Variants in MSI2 observed in about 807,000 individuals in gnomAD.
MSI2 encodes RNA-binding protein Musashi homolog 2.
A neutral mutation model predicts 45.6 loss-of-function variants in MSI2; 17 were observed. The ratio of observed to expected loss-of-function variants is 0.37; its 90% CI spans 0.26 to 0.56. The LOEUF (loss-of-function observed/expected upper bound fraction) is 0.56. MSI2 is among the 20% of genes least tolerant of loss of function. The pLI, the probability that MSI2 is intolerant of heterozygous loss-of-function variation, is 0.77. For synonymous variants in MSI2, 156 were observed against 158.2 expected, an observed-to-expected ratio of 0.99 and a Z score of 0.11; for missense variants, 293 against 444.2, an observed-to-expected ratio of 0.66 and a Z score of 3.06.
intron 7 of MSI2, among the ~76,000 whole-genome samples, chr17:57,591,920 C>T (rs1390442173): frequency 4.6e-5 from 7 of 151,978 alleles, no homozygotes; most frequent in Non-Finnish European, 7.4e-5. Context: ...TTGGCTCAAT[C>T]CCAGCACTTT....
chr17:57,628,279 G>C (rs1908998851), intron 10 of MSI2: 1 of 152,206 alleles, frequency 6.6e-6, no homozygotes, highest in Non-Finnish European at 1.5e-5. Context: ...GGAGTGTCAG[G>C]GTCTGAGATG....
chr17:57,376,402 T>G (rs1207953829), intron 5 of MSI2, among the ~76,000 whole-genome samples: 1 of 152,208 alleles, frequency 6.6e-6, no homozygotes. Context: ...TCTCCTTCAG[T>G]GCAAGCTGGT....
intron 6 of MSI2, among the ~76,000 whole-genome samples, chr17:57,405,018 CA>C (rs2084057239): frequency 1.3e-5 from 2 of 152,026 alleles, no homozygotes; most frequent in African/African-American, 2.4e-5. Context: ...ATGAGCTACC[CA>C]GGGGTGAAGA....
At chr17:57,551,861 G>A (rs1204350089) in intron 7 of MSI2, among the ~76,000 whole-genome samples, 1 of 152,150 alleles carries the variant, frequency 6.6e-6, no homozygotes, top group South Asian at 2.1e-4. Context: ...TTTATGTGCT[G>A]ACCGCTCCTG....
chr17:57,595,315 C>A (rs558268698), intron 7 of MSI2, among the ~76,000 whole-genome samples: 1 of 123,306 alleles, frequency 8.1e-6, no homozygotes, highest in African/African-American at 3.4e-5. Context: ...TTTTTGTCTT[C>A]CTGCTTGGTG....
intron 5 of MSI2, among the ~76,000 whole-genome samples, chr17:57,383,351 T>C (rs769300001): frequency 6.6e-6 from 1 of 152,234 alleles, no homozygotes; most frequent in Non-Finnish European, 1.5e-5. Flanking sequence ...TTTACAATGA[T>C]AATAGATATA....
intron 7 of MSI2, among the ~76,000 whole-genome samples, chr17:57,586,097 C>CA (rs556800472): frequency 7.7e-4 from 118 of 152,328 alleles, no homozygotes; most frequent in Non-Finnish European, 1.2e-3. Flanking sequence ...ACACCACGCA[C>CA]AAAAAATAGG....
rs3059122 is a variant in MSI2, at chr17:57,581,004, CT to C, written c.455-15838del. On this transcript the variant is annotated intron_variant, in intron 7 of 13. Coordinates refer to ENST00000284073, the MANE Select transcript of MSI2 (RefSeq NM_138962.4). Reference sequence around the variant, plus strand: ...CATGCCAGCCCCATGAGGTCAGCATCTTTTTTTTTTTTTTTTTTTTTTTTTT... The same window carrying C: ...CATGCCAGCCCCATGAGGTCAGCATCTTTTTTTTTTTTTTTTTTTTTTTTT... Among the ~76,000 whole-genome samples, 359 of 66,462 alleles carry C rather than the reference CT, an allele frequency of 5.4e-3. 1 individual carries two copies. The highest frequency in any genetic ancestry group is 0.019 in the African/African-American group (301 of 16,218). The allele number at this position is 66,462 out of a possible 152,430, so 43.6% of individuals were successfully genotyped here. A position where few individuals can be genotyped will look rare whatever the true frequency, so the allele number is the denominator to read the frequency against.
chr17:57,300,629 A>G (rs192004421), intron 5 of MSI2, among the ~76,000 whole-genome samples: 121 of 152,294 alleles, frequency 7.9e-4, no homozygotes, highest in Non-Finnish European at 3.1e-4. Context: ...CATGCTGCTG[A>G]TAAAGACATA....
chr17:57,500,248 G>C (rs1311252020), intron 6 of MSI2, among the ~76,000 whole-genome samples: 1 of 152,072 alleles, frequency 6.6e-6, no homozygotes, highest in Non-Finnish European at 1.5e-5. Context: ...GATCTTAAGT[G>C]GATATTAGAA....
At chr17:57,382,826 A>G (rs987171886) in intron 5 of MSI2, among the ~76,000 whole-genome samples, 2 of 152,370 alleles carry the variant, frequency 1.3e-5, no homozygotes, top group Admixed American at 1.3e-4. Context: ...AAATTTTGAG[A>G]AAGCAAAAGT....
intron 5 of MSI2, among the ~76,000 whole-genome samples, chr17:57,325,982 T>C (rs884379): frequency 0.34 from 51,545 of 152,010 alleles, 13,977 homozygotes; most frequent in African/African-American, 0.75. Context: ...TTGCATCTGC[T>C]GGTCCCTCTG....
At chr17:57,647,796 C>T (rs900089980) in intron 10 of MSI2, among the ~76,000 whole-genome samples, 1 of 151,870 alleles carries the variant, frequency 6.6e-6, no homozygotes, top group African/African-American at 2.4e-5. Flanking sequence ...CATGCGCCAC[C>T]ACACCCAGCT....
At chr17:57,679,407 C>T (rs1913463107) in intron 13 of MSI2, 142 bp from the exon 14 acceptor site, 2 of 261,730 alleles carry the variant, frequency 7.6e-6, no homozygotes, top group South Asian at 3.0e-4. Flanking sequence ...CGTGCGTATT[C>T]AATAGTCCAG....
At chr17:57,498,567 T>G (rs1257896706) in intron 6 of MSI2, among the ~76,000 whole-genome samples, 2 of 152,136 alleles carry the variant, frequency 1.3e-5, no homozygotes, top group African/African-American at 4.8e-5. Flanking sequence ...ATGTCCACAT[T>G]CTTATGCCTG....
At chr17:57,633,760 C>T (rs1909614116) in intron 10 of MSI2, among the ~76,000 whole-genome samples, 1 of 152,170 alleles carries the variant, frequency 6.6e-6, no homozygotes, top group Non-Finnish European at 1.5e-5. Context: ...TGAGTTGTTA[C>T]AATTAAGGGA....
chr17:57,328,097 A>G (rs551350881), intron 5 of MSI2, among the ~76,000 whole-genome samples: 2 of 152,186 alleles, frequency 1.3e-5, no homozygotes, highest in Non-Finnish European at 2.9e-5. Flanking sequence ...AGCAAGGTTC[A>G]TGTTCTAATA....
intron 7 of MSI2, among the ~76,000 whole-genome samples, chr17:57,542,133 C>A (rs2144130507): frequency 6.6e-6 from 1 of 152,196 alleles, no homozygotes; most frequent in East Asian, 1.9e-4. Flanking sequence ...CTCTCACCAG[C>A]CCTGGGCTCC....
intron 11 of MSI2, among the ~76,000 whole-genome samples, chr17:57,665,131 G>C (rs988028092): frequency 6.6e-6 from 1 of 152,178 alleles, no homozygotes; most frequent in Non-Finnish European, 1.5e-5. Context: ...TGGAGCCCAC[G>C]GCTCTCCAGC....
Sources: gnomAD v4.1 joint callset for allele counts (sites outside exome capture counted in the v4.1 genomes callset) on GRCh38, gnomAD v4.1.1 for gene constraint, MANE v1.5 for transcripts, NCBI Gene and HGNC (gene_info 2026-07-23, HGNC 2026-07-21) for gene names.